Variants in DSG1 observed in about 807,000 individuals in gnomAD.
DSG1 encodes desmoglein-1.
DSG1 carries 39 observed loss-of-function variants against 97.5 expected under a neutral mutation model. That is an observed-to-expected ratio of 0.40 (90% CI 0.31 to 0.52). The LOEUF (loss-of-function observed/expected upper bound fraction) is 0.52. DSG1 is among the 20% of genes least tolerant of loss of function. The probability of loss-of-function intolerance (pLI) is 0.53; values close to 1 mark genes in which losing one functional copy is unlikely to be tolerated. For synonymous variants in DSG1, 475 were observed against 443.4 expected (o/e 1.07, Z -0.90); for missense variants, 1,311 against 1,295.4 (o/e 1.01, Z -0.18).
chr18:31,331,911 G>T, intron 6 of DSG1, 44 bp downstream of exon 6: 1 of 1,575,772 alleles, frequency 6.3e-7, no homozygotes, highest in Non-Finnish European at 8.7e-7. Context: ...CAAAGGAACT[G>T]ATTCTAAAAG....
At chr18:31,328,400 C>T in intron 4 of DSG1, 56 bp downstream of exon 4, 2 of 1,544,704 alleles carry the variant, frequency 1.3e-6, no homozygotes, top group East Asian at 4.5e-5. Context: ...CTCAGAAGTT[C>T]TTAATCTCAG....
chr18:31,340,844 T>C (rs890387534), intron 11 of DSG1, among the ~76,000 whole-genome samples: 2 of 152,226 alleles, frequency 1.3e-5, no homozygotes, highest in Admixed American at 6.5e-5. Flanking sequence ...CTGCATAGTA[T>C]TAATAAAAGG....
chr18:31,350,613 T>C (rs1018388216), intron 14 of DSG1, among the ~76,000 whole-genome samples: 2 of 149,236 alleles, frequency 1.3e-5, no homozygotes, highest in Non-Finnish European at 3.0e-5. Context: ...TCTTTTTGAT[T>C]GGTAAGCTAT....
At chr18:31,338,081 A>G (rs145067366) in intron 9 of DSG1, among the ~76,000 whole-genome samples, 2,107 of 152,280 alleles carry the variant, frequency 0.014, 19 homozygotes, top group Middle Eastern at 0.024. Flanking sequence ...GCATAAAAAG[A>G]CATTCCATCA....
intron 7 of DSG1, 132 bp downstream of exon 7, chr18:31,333,855 T>C (rs1241613585): frequency 9.0e-6 from 11 of 1,223,708 alleles, no homozygotes; most frequent in Non-Finnish European, 1.3e-5. Flanking sequence ...TACTTTTTTC[T>C]TGTGTTTATG....
chr18:31,353,937 C>A (rs944159089), intron 14 of DSG1: 6 of 283,306 alleles, frequency 2.1e-5, no homozygotes, highest in African/African-American at 1.4e-4. Flanking sequence ...TCTTCTGCGT[C>A]GCTCACGCTG....
At chr18:31,352,002 T>C (rs2071901194) in intron 14 of DSG1, among the ~76,000 whole-genome samples, 1 of 151,590 alleles carries the variant, frequency 6.6e-6, no homozygotes, top group African/African-American at 2.4e-5. Context: ...GTGAATTTGA[T>C]CCTGTCATGA....
At chr18:31,337,818 C>T (rs9966741) in intron 9 of DSG1, among the ~76,000 whole-genome samples, 27,798 of 152,114 alleles carry the variant, frequency 0.18, 4,532 homozygotes, top group African/African-American at 0.44. Context: ...AGAATAGAGG[C>T]TCAAGGCAAG....
chr18:31,353,899 C>T (rs2071927078), intron 14 of DSG1: 1 of 272,982 alleles, frequency 3.7e-6, no homozygotes, highest in Non-Finnish European at 7.1e-6. Flanking sequence ...GAACCCGGTA[C>T]CTCAGATGGA....
intron 1 of DSG1, among the ~76,000 whole-genome samples, chr18:31,319,921 T>G (rs1257328532): frequency 3.3e-5 from 5 of 151,730 alleles, no homozygotes; most frequent in African/African-American, 1.2e-4. Context: ...CTTATGGGGG[T>G]TTTTTTGGGA....
rs928598828 is a variant in DSG1 at position 31,356,033 on chromosome 18, C to T, written c.*687C>T. 6.6e-6 allele frequency: 1 copy of T among 152,642 alleles called. No homozygotes were observed. The highest frequency in any genetic ancestry group is 1.5e-5 in the Non-Finnish European group (1 of 68,434). 9.5% of individuals were successfully genotyped at this position (152,642 alleles called of 1,614,324 possible). A position where few individuals can be genotyped will look rare whatever the true frequency, so the allele number is the denominator to read the frequency against. ...CCTTAATGTGGGGCCTCAGTTAAAT[C>T]TCCTGTGGAGTCAAGGATTCTTCTG... is the stretch of plus-strand genomic sequence containing the variant. On this transcript the variant is annotated 3_prime_UTR_variant, in exon 15 of 15. Transcript: ENST00000257192.
At chr18:31,346,516 C>T (rs1300877524) in intron 14 of DSG1, among the ~76,000 whole-genome samples, 2 of 152,110 alleles carry the variant, frequency 1.3e-5, no homozygotes, top group African/African-American at 2.4e-5. Flanking sequence ...TACTCCTTGC[C>T]ATCAACTCCA....
intron 1 of DSG1, among the ~76,000 whole-genome samples, chr18:31,325,497 A>G (rs2071680223): frequency 6.6e-6 from 1 of 152,186 alleles, no homozygotes; most frequent in South Asian, 2.1e-4. Context: ...GGCAGCAAGG[A>G]GCATGCATTT....
intron 2 of DSG1, 88 bp from the exon 3 acceptor site, chr18:31,326,786 A>T: frequency 6.7e-7 from 1 of 1,499,084 alleles, no homozygotes; most frequent in Non-Finnish European, 9.3e-7. Flanking sequence ...TCTATTTCTG[A>T]GATTATAACC....
rs1568044994 is a variant in DSG1 at position 31,342,137 on chromosome 18, T to C, written c.1688-1313T>C. 2.6e-5 allele frequency among the ~76,000 whole-genome samples: 4 copies of C among 152,180 alleles called. No homozygotes were observed. The South Asian group carries it at 8.3e-4, about 32-fold the overall frequency. On this transcript the variant is annotated intron_variant, in intron 11 of 14. Coordinates refer to ENST00000257192, the MANE Select transcript of DSG1 (RefSeq NM_001942.4). ...TTAGTAAAGATGGGGTTTCACCATA[T>C]TGGCCAGGATGATCTCGATCTCCTG...
Position 31,338,345 on chromosome 18 carries a change from G to C in DSG1, c.1296G>C (p.Leu432=), listed in dbSNP as rs1185788450. 2 of 1,613,702 alleles carry C rather than the reference G, an allele frequency of 1.2e-6. No homozygotes were observed. The part of the protein sequence containing the change: ...RYVMGNNPAD[L]LAVDSRTGKL... ...TAATGGGAAATAATCCAGCTGACCT[G>C]CTAGCTGTTGATTCAAGAACAGGCA... The change falls in exon 10 of 15, where the codon CTG becomes CTC. Residue 432 remains leucine, a synonymous_variant. Coordinates refer to ENST00000257192, the MANE Select transcript of DSG1 (RefSeq NM_001942.4).
intron 1 of DSG1, among the ~76,000 whole-genome samples, chr18:31,322,683 G>A (rs912354210): frequency 3.3e-5 from 5 of 152,084 alleles, no homozygotes; most frequent in East Asian, 3.8e-4. Flanking sequence ...GCATCCTTGC[G>A]ATGTATATAA....
chr18:31,351,618 G>A (rs1233495377), intron 14 of DSG1, among the ~76,000 whole-genome samples: 5 of 151,670 alleles, frequency 3.3e-5, no homozygotes, highest in Admixed American at 2.6e-4. Context: ...CTCTTTGTAG[G>A]TCACTCAGGA....
intron 12 of DSG1, 141 bp from the exon 13 acceptor site, chr18:31,343,785 T>G: frequency 8.7e-7 from 1 of 1,151,318 alleles, no homozygotes; most frequent in Non-Finnish European, 1.3e-6. Flanking sequence ...AGTTCAAATT[T>G]TAAATGGATT....
Sources: allele counts gnomAD v4.1 joint callset (sites outside exome capture counted in the v4.1 genomes callset), GRCh38; gene constraint gnomAD v4.1.1; transcripts MANE v1.5; gene names NCBI Gene and HGNC (gene_info 2026-07-23, HGNC 2026-07-21).